The following GPR61 variants were observed in gnomAD, a reference collection of about 807,000 sequenced individuals.
The protein encoded by GPR61 is G protein-coupled receptor 61, also known as G-protein coupled receptor 61.
A neutral mutation model predicts 29.2 loss-of-function variants in GPR61; 15 were observed. The observed-to-expected ratio is 0.51, with a 90% CI of 0.34 to 0.79. GPR61 has a LOEUF of 0.79. GPR61 is among the 30% of genes least tolerant of loss of function. GPR61 has a pLI of 0.01. For missense variants in GPR61, 399 were observed against 582.5 expected (o/e 0.69, Z 3.24); for synonymous variants, 238 against 242.3 (o/e 0.98, Z 0.17).
At chr1:109,541,127 C>T (rs948274972) in intron 1 of GPR61, among the ~76,000 whole-genome samples, 1 of 152,164 alleles carries the variant, frequency 6.6e-6, no homozygotes, top group Non-Finnish European at 1.5e-5. Flanking sequence ...TCCTGGTAGA[C>T]TCTAATGAGA....
chr1:109,543,030 C>A lies in GPR61; in HGVS notation c.8C>A (p.Ser3Tyr). Residue 3 changes from serine to tyrosine, a missense_variant, in exon 2 of 2, where the codon TCC becomes TAC. By Grantham distance (144) the Ser-to-Tyr change is moderately radical. Around this residue, in one of 3 missense-constraint regions of GPR61, gnomAD observed 78 missense variants for 101.0 expected, o/e 0.77. Transcript: ENST00000527748. The surrounding 1 kb of genome is among the most constrained non-coding windows in gnomAD (Gnocchi z 6.8). ...GTGCCCTCTTTCGGCCCCATGGAGT[C>A]CTCACCCATCCCCCAGTCATCAGGG... ME[S>Y]SPIPQSSGNS... The A allele has an allele frequency of 6.5e-7, 1 of 1,547,406 alleles. No individual in the cohort carries two copies. Among genetic ancestry groups the A allele is most frequent in the South Asian group, 1.2e-5 (1 of 80,632 alleles).
At chr1:109,542,274 T>G in intron 1 of GPR61, 148 bp from the exon 2 acceptor site, 2 of 176,186 alleles carry the variant, frequency 1.1e-5, no homozygotes, top group Non-Finnish European at 2.5e-5. Flanking sequence ...ATAAAATGAG[T>G]TAATATAGGT....
At chr1:109,540,314 T>C (rs767531919) in intron 1 of GPR61, among the ~76,000 whole-genome samples, 104 of 152,200 alleles carry the variant, frequency 6.8e-4, no homozygotes, top group Non-Finnish European at 1.2e-4. Flanking sequence ...TGGGCAACTC[T>C]GCTGAGGAGA....
In GPR61 at chr1:109,542,963, G is replaced by A. The variant is rs780164197; in HGVS notation, c.-60G>A. The A allele has an allele frequency of 5.8e-6, 9 of 1,552,780 alleles. No individual in the cohort carries two copies. The highest frequency in any genetic ancestry group is 7.9e-6 in the Non-Finnish European group (9 of 1,146,204). On this transcript the variant is annotated 5_prime_UTR_variant, in exon 2 of 2. Coordinates refer to ENST00000527748, the MANE Select transcript of GPR61 (RefSeq NM_001393907.1). Reference sequence around the variant, plus strand: ...CTGGGCTCGCCATCCCAGGGTCGCTGGACTAGGATGGGGGATGGGCCTGTG... The same window carrying A: ...CTGGGCTCGCCATCCCAGGGTCGCTAGACTAGGATGGGGGATGGGCCTGTG...
Position 109,544,441 on chromosome 1 carries a change from T to C in GPR61, c.*63T>C, listed in dbSNP as rs1216570156. The C allele has an allele frequency of 1.8e-5, 22 of 1,256,342 alleles. No homozygotes were observed. In the East Asian group the frequency reaches 4.2e-4, roughly 24 times the overall value. 77.8% of individuals were successfully genotyped at this position (1,256,342 alleles called of 1,614,324 possible). ...CCAGTTATGATTGCAAGGACCACCT[T>C]GTGGGATCACCTTTTCCCAGCTGGC... On this transcript the variant is annotated 3_prime_UTR_variant, in exon 2 of 2. Transcript: ENST00000527748. This position sits in a 1 kb window ranked among gnomAD's most constrained non-coding sequence, Gnocchi z 4.6.
Position 109,542,649 on chromosome 1 carries a change from A to C in GPR61, c.-374A>C, listed in dbSNP as rs41296194. On this transcript the variant is annotated 5_prime_UTR_variant, in exon 2 of 2. Transcript: ENST00000527748. ...ACAGGATTTAGAATCCCCGGCTAACAGTTCTGGAAAGGGTAGAAGGGTATG... is the reference window on the plus strand; with the variant it reads ...ACAGGATTTAGAATCCCCGGCTAACCGTTCTGGAAAGGGTAGAAGGGTATG... 6.3e-4 allele frequency: 295 copies of C among 471,168 alleles called. 1 individual carries two copies. Among genetic ancestry groups the C allele is most frequent in the Non-Finnish European group, 1.0e-3 (243 of 235,894 alleles). 29.2% of individuals were successfully genotyped at this position (471,168 alleles called of 1,614,324 possible). A position where few individuals can be genotyped will look rare whatever the true frequency, so the allele number is the denominator to read the frequency against.
Position 109,542,507 on chromosome 1 carries a change from C to A in GPR61, c.-516C>A. On this transcript the variant is annotated 5_prime_UTR_variant, in exon 2 of 2. Transcript: ENST00000527748. Reference sequence around the variant, plus strand: ...GGACTAGAAACTAAATTTTGTGCTCCTTCTACTCCCCAGCAGCTCTTGCCA... The same window carrying A: ...GGACTAGAAACTAAATTTTGTGCTCATTCTACTCCCCAGCAGCTCTTGCCA... The A allele has an allele frequency of 3.0e-6, 1 of 334,142 alleles. No individual in the cohort carries two copies. The highest frequency in any genetic ancestry group is 2.3e-5 in the South Asian group (1 of 43,486). The allele number at this position is 334,142 out of a possible 1,614,324, so 20.7% of individuals were successfully genotyped here. A position where few individuals can be genotyped will look rare whatever the true frequency, so the allele number is the denominator to read the frequency against.
chr1:109,543,803 A>C lies in GPR61; in HGVS notation c.781A>C (p.Ser261Arg), dbSNP rs1311561934. ...TPRQRSESLS[S>R]RSTMVTSSGA... ...CCGGCAACGCTCCGAATCTCTCAGC[A>C]GCCGCTCCACGATGGTCACCAGCTC... is the stretch of plus-strand genomic sequence containing the variant. Residue 261 changes from serine (S) to arginine (R), a missense_variant, in exon 2 of 2, where the codon AGC (serine) becomes CGC (arginine). Coordinates refer to ENST00000527748, the MANE Select transcript of GPR61 (RefSeq NM_001393907.1). The surrounding 1 kb of genome is among the most constrained non-coding windows in gnomAD (Gnocchi z 6.8). 1 of 1,613,524 alleles carries C rather than the reference A, an allele frequency of 6.2e-7. No homozygotes were observed. The highest frequency in any genetic ancestry group is 8.5e-7 in the Non-Finnish European group (1 of 1,180,024).
In GPR61 at chr1:109,542,765, C is replaced by T. The variant is rs757424801; in HGVS notation, c.-258C>T. The T allele has an allele frequency of 1.8e-5, 12 of 672,568 alleles. No homozygotes were observed. In the South Asian group the frequency reaches 1.8e-4, roughly 10 times the overall value. The allele number at this position is 672,568 out of a possible 1,614,324, so 41.7% of individuals were successfully genotyped here. The stretch of plus-strand genomic sequence containing the variant: ...TTGAGTGGGTCAGGCTCCTGCACCT[C>T]TCACGTCTCCTGCTTCTTAGCAGTC... On this transcript the variant is annotated 5_prime_UTR_variant, in exon 2 of 2. Coordinates refer to ENST00000527748, the MANE Select transcript of GPR61 (RefSeq NM_001393907.1).
Position 109,543,696 on chromosome 1 carries a change from T to C in GPR61, c.674T>C (p.Leu225Pro), listed in dbSNP as rs1024496405. 3.1e-6 allele frequency: 5 copies of C among 1,613,630 alleles called. No individual in the cohort carries two copies. Among genetic ancestry groups the C allele is most frequent in the African/African-American group, 1.3e-5 (1 of 74,938 alleles). Residue 225 changes from leucine (L) to proline (P), a missense_variant, in exon 2 of 2, where the codon CTT (leucine) becomes CCT (proline). Physicochemically the swap from Leu to Pro is moderately conservative, Grantham distance 98 (BLOSUM62 -3). Around this residue, in one of 3 missense-constraint regions of GPR61, gnomAD observed 320 missense variants for 459.8 expected, o/e 0.70. Transcript: ENST00000527748. The surrounding 1 kb of genome is among the most constrained non-coding windows in gnomAD (Gnocchi z 6.8). Reference sequence around the variant, plus strand: ...TTTCTGTTGCCCCTGCTCCTCATACTTGTGGTCTACTGCAGCATGTTCCGA... The same window carrying C: ...TTTCTGTTGCCCCTGCTCCTCATACCTGTGGTCTACTGCAGCATGTTCCGA... Reference protein sequence around the residue: ...LYFLLPLLLILVVYCSMFRVA... With the variant: ...LYFLLPLLLIPVVYCSMFRVA...
chr1:109,540,942 G>A (rs556522859), intron 1 of GPR61, among the ~76,000 whole-genome samples: 9 of 152,300 alleles, frequency 5.9e-5, no homozygotes, highest in African/African-American at 1.9e-4. Flanking sequence ...GCTTCCCTCC[G>A]TCTGGGACTC....
rs1395527342 is a variant in GPR61 at position 109,543,718 on chromosome 1, C to T, written c.696C>T (p.Phe232=). 1 of 1,613,452 alleles carries T rather than the reference C, an allele frequency of 6.2e-7. No homozygotes were observed. The highest frequency in any genetic ancestry group is 1.7e-5 in the Admixed American group (1 of 60,036). ...TACTTGTGGTCTACTGCAGCATGTT[C>T]CGAGTGGCCCGCGTGGCTGCCATGC... is the stretch of plus-strand genomic sequence containing the variant. The part of the protein sequence containing the change: ...LLILVVYCSM[F]RVARVAAMQH... The change falls in exon 2 of 2, where the codon TTC becomes TTT. Residue 232 remains phenylalanine, a synonymous_variant. Transcript: ENST00000527748. The surrounding 1 kb of genome is among the most constrained non-coding windows in gnomAD (Gnocchi z 6.8).
chr1:109,543,748 C>T lies in GPR61; in HGVS notation c.726C>T (p.His242=), dbSNP rs201122595. The change falls in exon 2 of 2, where the codon CAC becomes CAT. Residue 242 remains histidine, a synonymous_variant. Coordinates refer to ENST00000527748, the MANE Select transcript of GPR61 (RefSeq NM_001393907.1). The surrounding 1 kb of genome is among the most constrained non-coding windows in gnomAD (Gnocchi z 6.8). ...FRVARVAAMQ[H]GPLPTWMETP... ...TGGCCCGCGTGGCTGCCATGCAGCA[C>T]GGGCCGCTGCCCACGTGGATGGAGA... The T allele has an allele frequency of 1.7e-4, 268 of 1,613,242 alleles. No individual in the cohort carries two copies. Among genetic ancestry groups the T allele is most frequent in the Middle Eastern group, 3.3e-4 (2 of 6,062 alleles).
rs996063757 is a variant in GPR61 at position 109,545,734 on chromosome 1, C to G, written c.*1356C>G. The stretch of plus-strand genomic sequence containing the variant: ...GAGGGTGGTGTGGTCTCTATTTGAA[C>G]AAATTCCTGGCTCACTGAGCATCAA... On this transcript the variant is annotated 3_prime_UTR_variant, in exon 2 of 2. Transcript: ENST00000527748. 2 of 152,216 alleles carry G rather than the reference C, an allele frequency of 1.3e-5. No individual in the cohort carries two copies. The highest frequency in any genetic ancestry group is 4.8e-5 in the African/African-American group (2 of 41,438). 9.4% of individuals were successfully genotyped at this position (152,216 alleles called of 1,614,324 possible).
At chr1:109,541,094 C>T (rs985311799) in intron 1 of GPR61, among the ~76,000 whole-genome samples, 3 of 152,150 alleles carry the variant, frequency 2.0e-5, no homozygotes, top group African/African-American at 7.2e-5. Flanking sequence ...GATGCTTCTC[C>T]TAGCATTTCT....
chr1:109,543,647 G>A lies in GPR61; in HGVS notation c.625G>A (p.Val209Met). Residue 209 changes from valine (V) to methionine (M), a missense_variant, in exon 2 of 2, where the codon GTG becomes ATG. Val to Met is a conservative substitution (Grantham distance 21). Around this residue, in one of 3 missense-constraint regions of GPR61, gnomAD observed 320 missense variants for 459.8 expected, o/e 0.70. Transcript: ENST00000527748. The surrounding 1 kb of genome is among the most constrained non-coding windows in gnomAD (Gnocchi z 6.8). The stretch of plus-strand genomic sequence containing the variant: ...CCACAGTGCCTACTGCCAGCTTTTT[G>A]TGGTGGTCTTTGCTGTCCTTTACTT... Reference protein sequence around the residue: ...WSHSAYCQLFVVVFAVLYFLL... With the variant: ...WSHSAYCQLFMVVFAVLYFLL... 6.2e-7 allele frequency: 1 copy of A among 1,614,040 alleles called. No homozygotes were observed. The highest frequency in any genetic ancestry group is 1.7e-5 in the Admixed American group (1 of 60,016).
At chr1:109,542,139 G>A (rs1474171061) in intron 1 of GPR61, among the ~76,000 whole-genome samples, 2 of 152,240 alleles carry the variant, frequency 1.3e-5, no homozygotes, top group Admixed American at 6.5e-5. Context: ...CCAGGTAGGT[G>A]CCCAGCCCTT....
Position 109,543,753 on chromosome 1 carries a change from C to T in GPR61, c.731C>T (p.Pro244Leu), listed in dbSNP as rs1007594046. The change falls in exon 2 of 2, where the codon CCG (proline) becomes CTG (leucine). Residue 244 changes from proline to leucine, a missense_variant. Pro to Leu is a moderately conservative substitution (Grantham distance 98). Coordinates refer to ENST00000527748, the MANE Select transcript of GPR61 (RefSeq NM_001393907.1). The surrounding 1 kb of genome is among the most constrained non-coding windows in gnomAD (Gnocchi z 6.8). ...VARVAAMQHGPLPTWMETPRQ... is the reference protein window; with the variant it reads ...VARVAAMQHGLLPTWMETPRQ... Reference sequence around the variant, plus strand: ...CGCGTGGCTGCCATGCAGCACGGGCCGCTGCCCACGTGGATGGAGACACCC... The same window carrying T: ...CGCGTGGCTGCCATGCAGCACGGGCTGCTGCCCACGTGGATGGAGACACCC... 11 of 1,613,148 alleles carry T rather than the reference C, an allele frequency of 6.8e-6. No individual in the cohort carries two copies. The highest frequency in any genetic ancestry group is 5.3e-5 in the African/African-American group (4 of 74,948).
rs1377075401 is a variant in GPR61, at chr1:109,542,554, G to A, written c.-469G>A. 1 of 373,550 alleles carries A rather than the reference G, an allele frequency of 2.7e-6. No individual in the cohort carries two copies. Among genetic ancestry groups the A allele is most frequent in the Non-Finnish European group, 5.4e-6 (1 of 183,550 alleles). 23.1% of individuals were successfully genotyped at this position (373,550 alleles called of 1,614,324 possible). On this transcript the variant is annotated 5_prime_UTR_variant, in exon 2 of 2. Coordinates refer to ENST00000527748, the MANE Select transcript of GPR61 (RefSeq NM_001393907.1). ...GCCATTCTGAGGAGACAAGAAATCA[G>A]GAAATTTACATAAGGAACCCTAAAA...
Sources: gnomAD v4.1 joint callset for allele counts (sites outside exome capture counted in the v4.1 genomes callset) on GRCh38, gnomAD v4.1.1 for gene constraint, gnomAD v4.1.1 regional missense constraint, Gnocchi (gnomAD v3.1) non-coding constraint, MANE v1.5 for transcripts, NCBI Gene and HGNC (gene_info 2026-07-23, HGNC 2026-07-21) for gene names.